ST6GALNAC2: variants seen among roughly 807,000 people sequenced by gnomAD.
ST6GALNAC2 encodes ST6 N-acetylgalactosaminide alpha-2,6-sialyltransferase 2, also known as alpha-N-acetylgalactosaminide alpha-2,6-sialyltransferase 2.
In ST6GALNAC2, 42 loss-of-function variants were observed where a neutral mutation model predicts 38.7. The observed-to-expected ratio is 1.09, with a 90% CI of 0.85 to 1.40. ST6GALNAC2 has a LOEUF of 1.40. ST6GALNAC2 is among the 40% of genes most tolerant of loss of function. The probability of loss-of-function intolerance (pLI) is 0.00; values close to 1 mark genes in which losing one functional copy is unlikely to be tolerated. For missense variants in ST6GALNAC2, 506 were observed against 481.7 expected (o/e 1.05, Z -0.47); for synonymous variants, 233 against 209.0 (o/e 1.11, Z -0.99).
chr17:76,574,460 G>A lies in ST6GALNAC2; in HGVS notation c.266C>T (p.Pro89Leu), dbSNP rs2075389779. The change falls in exon 3 of 9, where the codon CCA becomes CTA. Residue 89 changes from proline to leucine, a missense_variant. Coordinates refer to ENST00000225276, the MANE Select transcript of ST6GALNAC2 (RefSeq NM_006456.3). ...HFRGLFNLSI[P>L]VLLWGDLFTP... Reference sequence around the variant, plus strand: ...GAAGAGGTCCCCCCACAGCAGCACTGGAATGGAGAGATTGAACAGGCCACG... The same window carrying A: ...GAAGAGGTCCCCCCACAGCAGCACTAGAATGGAGAGATTGAACAGGCCACG... 4 of 1,613,970 alleles carry A rather than the reference G, an allele frequency of 2.5e-6. No individual in the cohort carries two copies. Among genetic ancestry groups the A allele is most frequent in the Non-Finnish European group, 3.4e-6 (4 of 1,179,994 alleles).
chr17:76,566,234 T>G lies in ST6GALNAC2; in HGVS notation c.995A>C (p.Lys332Thr). 2 of 1,614,134 alleles carry G rather than the reference T, an allele frequency of 1.2e-6. No individual in the cohort carries two copies. Among genetic ancestry groups the G allele is most frequent in the East Asian group, 4.5e-5 (2 of 44,888 alleles). Residue 332 changes from lysine (K) to threonine (T), a missense_variant, in exon 9 of 9, where the codon AAA becomes ACA. Physicochemically the swap from Lys to Thr is moderately conservative, Grantham distance 78. Transcript: ENST00000225276. ...TCGTTCGAAATAGTGGTCGGAAAAT[T>G]TCCAGTAGTTGCTTGTGATGAATCC... is the stretch of plus-strand genomic sequence containing the variant. ...AYGFITSNYW[K>T]FSDHYFERKM...
intron 5 of ST6GALNAC2, 47 bp downstream of exon 5, chr17:76,572,590 A>G: frequency 1.2e-6 from 2 of 1,610,456 alleles, no homozygotes; most frequent in Middle Eastern, 1.7e-4. Context: ...CTCCAGGAAC[A>G]ATGGTGCCAT....
At chr17:76,577,825 G>A (rs1178525592) in intron 2 of ST6GALNAC2, among the ~76,000 whole-genome samples, 1 of 151,850 alleles carries the variant, frequency 6.6e-6, no homozygotes, top group Non-Finnish European at 1.5e-5. Flanking sequence ...TGCCCACCTC[G>A]GCCCCCCAAA....
In ST6GALNAC2 at chr17:76,585,726, A is replaced by G; in HGVS notation, c.83T>C (p.Phe28Ser). 6.5e-7 allele frequency: 1 copy of G among 1,540,898 alleles called. No individual in the cohort carries two copies. The change falls in exon 1 of 9, where the codon TTC (phenylalanine) becomes TCC (serine). Residue 28 changes from phenylalanine to serine, a missense_variant. Physicochemically the swap from Phe to Ser is radical, Grantham distance 155. Transcript: ENST00000225276. ...ACSGLLFALY[F>S]SAVQRYPGPA... The stretch of plus-strand genomic sequence containing the variant: ...CCCCGGGTACCGCTGCACCGCCGAG[A>G]AGTACAGGGCAAAGAGGAGCCCCGA...
intron 3 of ST6GALNAC2, among the ~76,000 whole-genome samples, chr17:76,574,052 T>A (rs893867846): frequency 6.6e-6 from 1 of 151,618 alleles, no homozygotes; most frequent in Non-Finnish European, 1.5e-5. Context: ...CAACCGTGAG[T>A]GAGGTGGTTT....
chr17:76,567,136 T>C (rs1049558544), intron 8 of ST6GALNAC2, among the ~76,000 whole-genome samples: 3 of 152,170 alleles, frequency 2.0e-5, no homozygotes, highest in Non-Finnish European at 4.4e-5. Context: ...GTTTGATGAT[T>C]TGAGCCTTAA....
At chr17:76,570,190 A>T in intron 6 of ST6GALNAC2, 1 of 244,666 alleles carries the variant, frequency 4.1e-6, no homozygotes, top group Non-Finnish European at 8.1e-6. Context: ...GCTCAGTGGG[A>T]CAGCGGACCC....
At chr17:76,574,746 G>A (rs749642330) in intron 2 of ST6GALNAC2, among the ~76,000 whole-genome samples, 1 of 151,534 alleles carries the variant, frequency 6.6e-6, no homozygotes, top group Non-Finnish European at 1.5e-5. Context: ...GCCCCATCTC[G>A]GCTCACTGCA....
chr17:76,582,077 C>T (rs979140731), intron 1 of ST6GALNAC2, among the ~76,000 whole-genome samples: 6 of 150,940 alleles, frequency 4.0e-5, no homozygotes, highest in African/African-American at 1.5e-4. Flanking sequence ...ATGTTGGCCA[C>T]GATGGTCTTG....
At chr17:76,575,372 G>A (rs751615260) in intron 2 of ST6GALNAC2, among the ~76,000 whole-genome samples, 2 of 152,184 alleles carry the variant, frequency 1.3e-5, no homozygotes, top group Non-Finnish European at 2.9e-5. Flanking sequence ...ACCTTAGTTG[G>A]AACTAGGGTC....
At chr17:76,571,409 C>T (rs891906702) in intron 5 of ST6GALNAC2, among the ~76,000 whole-genome samples, 1 of 152,190 alleles carries the variant, frequency 6.6e-6, no homozygotes, top group Non-Finnish European at 1.5e-5. Context: ...GCCTGGCCAA[C>T]ATGGTGAAAC....
At position 76,567,736 on chromosome 17, in the gene ST6GALNAC2, G is replaced by C. The variant is rs1467867725; in HGVS notation, c.858-184C>G. 16 of 529,630 alleles carry C rather than the reference G, an allele frequency of 3.0e-5. No individual in the cohort carries two copies. The East Asian group carries it at 4.7e-4, about 16-fold the overall frequency. The allele number at this position is 529,630 out of a possible 1,614,324, so 32.8% of individuals were successfully genotyped here. Reference sequence around the variant, plus strand: ...GAGACCTTAGGTAAGGTTGGGGGAGGGGGTGGTGAGAAAGGAACCACAGGT... The same window carrying C: ...GAGACCTTAGGTAAGGTTGGGGGAGCGGGTGGTGAGAAAGGAACCACAGGT... On this transcript the variant is annotated intron_variant, in intron 7 of 8. Coordinates refer to ENST00000225276, the MANE Select transcript of ST6GALNAC2 (RefSeq NM_006456.3).
At position 76,572,688 on chromosome 17, in the gene ST6GALNAC2, G is replaced by T. The variant is rs1567929362; in HGVS notation, c.618C>A (p.Asn206Lys). Residue 206 changes from asparagine (N) to lysine (K), a missense_variant, in exon 5 of 9, where the codon AAC becomes AAA. Asn to Lys is a moderately conservative substitution (Grantham distance 94). Transcript: ENST00000225276. ...CCAGATTCCAGTAGGAGACGAGGGA[G>T]TTCTTCATCGTGTTCACAGTGAAAC... is the stretch of plus-strand genomic sequence containing the variant. ...FYGFTVNTMK[N>K]SLVSYWNLGF... The T allele has an allele frequency of 6.2e-7, 1 of 1,614,174 alleles. No homozygotes were observed. The highest frequency in any genetic ancestry group is 2.2e-5 in the East Asian group (1 of 44,880).
chr17:76,565,993 G>A lies in ST6GALNAC2; in HGVS notation c.*111C>T. ...ATGAAAATCTTGAATTCACCCCAGT[G>A]CCCTCTGTTGGCAAGGGAAGGTGAA... On this transcript the variant is annotated 3_prime_UTR_variant, in exon 9 of 9. Transcript: ENST00000225276. 8.8e-7 allele frequency: 1 copy of A among 1,136,350 alleles called. No homozygotes were observed. The highest frequency in any genetic ancestry group is 1.2e-6 in the Non-Finnish European group (1 of 809,826). 70.4% of individuals were successfully genotyped at this position (1,136,350 alleles called of 1,614,324 possible). A position where few individuals can be genotyped will look rare whatever the true frequency, so the allele number is the denominator to read the frequency against.
intron 5 of ST6GALNAC2, 136 bp downstream of exon 5, chr17:76,572,501 T>C: frequency 1.9e-6 from 2 of 1,032,156 alleles, no homozygotes; most frequent in Non-Finnish European, 1.4e-6. Context: ...AGTGGCTGTA[T>C]CTTGCATCCA....
In ST6GALNAC2 at chr17:76,566,169, A is replaced by T. The variant is rs1327648047; in HGVS notation, c.1060T>A (p.Ser354Thr). The T allele has an allele frequency of 6.2e-7, 1 of 1,613,986 alleles. No homozygotes were observed. Among genetic ancestry groups the T allele is most frequent in the East Asian group, 2.2e-5 (1 of 44,896 alleles). Residue 354 changes from serine to threonine, a missense_variant, in exon 9 of 9, where the codon TCC (serine) becomes ACC (threonine). Physicochemically the swap from Ser to Thr is moderately conservative, Grantham distance 58. Transcript: ENST00000225276. Reference protein sequence around the residue: ...PLIFYANHDLSLEAALWRDLH... With the variant: ...PLIFYANHDLTLEAALWRDLH... ...TCCCTCCACAGGGCAGCTTCCAGGG[A>T]CAGATCGTGGTTTGCATAAAATATC...
rs1030319058 is a variant in ST6GALNAC2 at position 76,573,682 on chromosome 17, C to A, written c.362-319G>T. 6.6e-6 allele frequency among the ~76,000 whole-genome samples: 1 copy of A among 152,156 alleles called. No individual in the cohort carries two copies. The highest frequency in any genetic ancestry group is 2.1e-4 in the South Asian group (1 of 4,834). On this transcript the variant is annotated intron_variant, in intron 3 of 8. Transcript: ENST00000225276. The surrounding 1 kb of genome is among the most constrained non-coding windows in gnomAD (Gnocchi z 5.1). ...GTGGCTCACACCTGTAATACCAGAA[C>A]TTTGGAAGGGTGAGGTGGGTGAATC...
intron 1 of ST6GALNAC2, 103 bp downstream of exon 1, chr17:76,585,581 G>T: frequency 7.6e-7 from 1 of 1,321,006 alleles, no homozygotes; most frequent in South Asian, 1.6e-5. Flanking sequence ...CCACGCGGAG[G>T]TTGGGCTGAG....
In ST6GALNAC2 at chr17:76,573,340, G is replaced by A. The variant is rs2143301499; in HGVS notation, c.385C>T (p.Leu129=). ...AGCTTGGCACTCTCTGAGCCGTTCA[G>A]AAGGCTCAGGGTGGAGGCGATGACT... ...HQVIASTLSL[L]NGSESAKLFA... The change falls in exon 4 of 9, where the codon CTG becomes TTG. Residue 129 remains leucine (L), a synonymous_variant. Transcript: ENST00000225276. This position sits in a 1 kb window ranked among gnomAD's most constrained non-coding sequence, Gnocchi z 5.1. 1 of 1,568,008 alleles carries A rather than the reference G, an allele frequency of 6.4e-7. No homozygotes were observed. The highest frequency in any genetic ancestry group is 8.7e-7 in the Non-Finnish European group (1 of 1,156,068).
Sources: gnomAD v4.1 joint callset for allele counts (sites outside exome capture counted in the v4.1 genomes callset) on GRCh38, gnomAD v4.1.1 for gene constraint, Gnocchi (gnomAD v3.1) non-coding constraint, MANE v1.5 for transcripts, NCBI Gene and HGNC (gene_info 2026-07-23, HGNC 2026-07-21) for gene names.